Variants in MBOAT2 observed in about 807,000 individuals in gnomAD.
MBOAT2 encodes the protein membrane bound glycerophospholipid O-acyltransferase 2.
A neutral mutation model predicts 63.4 loss-of-function variants in MBOAT2; 28 were observed. The ratio of observed to expected loss-of-function variants is 0.44; its 90% CI spans 0.33 to 0.61. The LOEUF (loss-of-function observed/expected upper bound fraction) is 0.61. MBOAT2 is among the 20% of genes least tolerant of loss of function. The pLI, the probability that MBOAT2 is intolerant of heterozygous loss-of-function variation, is 0.03. For missense variants in MBOAT2, 470 were observed against 605.8 expected (o/e 0.78, Z 2.35); for synonymous variants, 211 against 215.6 (o/e 0.98, Z 0.19).
chr2:8,911,608 G>T (rs1226878398), intron 3 of MBOAT2, among the ~76,000 whole-genome samples: 1 of 152,140 alleles, frequency 6.6e-6, no homozygotes, highest in Non-Finnish European at 1.5e-5. Context: ...TTCCCTGGGG[G>T]ATGAGAAGGT....
chr2:8,886,111 C>A (rs540805597), intron 5 of MBOAT2, among the ~76,000 whole-genome samples: 1 of 152,168 alleles, frequency 6.6e-6, no homozygotes, highest in Non-Finnish European at 1.5e-5. Flanking sequence ...CGCTAGGCAG[C>A]GGGGGCCTAT....
chr2:8,877,745 G>A (rs546588371), intron 6 of MBOAT2, among the ~76,000 whole-genome samples: 2 of 152,340 alleles, frequency 1.3e-5, no homozygotes, highest in African/African-American at 4.8e-5. Context: ...CTGGTAAGGT[G>A]ACAGTTGAGC....
At chr2:8,938,406 A>G (rs1431489438) in intron 3 of MBOAT2, among the ~76,000 whole-genome samples, 1 of 151,604 alleles carries the variant, frequency 6.6e-6, no homozygotes, top group Non-Finnish European at 1.5e-5. Context: ...ACACACTCAC[A>G]CCTCACCACC....
rs553678563 is a variant in MBOAT2 at position 8,866,229 on chromosome 2, G to A, written c.988-1995C>T. Among the ~76,000 whole-genome samples, 9 of 151,986 alleles carry A rather than the reference G, an allele frequency of 5.9e-5. No individual in the cohort carries two copies. In the South Asian group the frequency reaches 6.3e-4, roughly 11 times the overall value. On this transcript the variant is annotated intron_variant, in intron 9 of 12. Coordinates refer to ENST00000305997, the MANE Select transcript of MBOAT2 (RefSeq NM_138799.4). The stretch of plus-strand genomic sequence containing the variant: ...TATCGCCCCCAGGAGATGAAAATTC[G>A]TTCTTAAGGGGCAAAAATATCTTTT...
Position 8,902,088 on chromosome 2 carries a change from A to G in MBOAT2, c.395+6533T>C, listed in dbSNP as rs553042736. ...AACCCTCAGCTCAGCCCAGAGGTAC[A>G]GGAAAAGTGGAAGCTGGTTCCAGGC... On this transcript the variant is annotated intron_variant, in intron 4 of 12. Transcript: ENST00000305997. Among the ~76,000 whole-genome samples the G allele has an allele frequency of 3.9e-5, 6 of 152,298 alleles. 1 individual carries two copies. Among genetic ancestry groups the G allele is most frequent in the Admixed American group, 2.6e-4 (4 of 15,296 alleles).
chr2:8,994,829 T>C (rs984151394), intron 1 of MBOAT2, among the ~76,000 whole-genome samples: 1 of 152,174 alleles, frequency 6.6e-6, no homozygotes, highest in African/African-American at 2.4e-5. Context: ...AATACGGATC[T>C]GCCAAGCCAA....
intron 9 of MBOAT2, 141 bp from the exon 10 acceptor site, chr2:8,864,375 G>C (rs987727272): frequency 8.9e-6 from 4 of 449,118 alleles, no homozygotes; most frequent in Non-Finnish European, 1.6e-5. Context: ...CCTTAATCTT[G>C]TTTTTCTAAT....
In MBOAT2 at chr2:8,961,081, G is replaced by A. The variant is rs367737756; in HGVS notation, c.76-2439C>T. Among the ~76,000 whole-genome samples the A allele has an allele frequency of 1.9e-4, 29 of 152,290 alleles. 1 individual carries two copies. Among genetic ancestry groups the A allele is most frequent in the Admixed American group, 1.8e-3 (27 of 15,288 alleles). On this transcript the variant is annotated intron_variant, in intron 1 of 12. Coordinates refer to ENST00000305997, the MANE Select transcript of MBOAT2 (RefSeq NM_138799.4). ...AAGATTTTTAAAACAAGGAAGTGAT[G>A]AGATTGACCCTCCACCTCTACATAT...
chr2:8,881,049 G>C (rs1249311515), intron 6 of MBOAT2, among the ~76,000 whole-genome samples: 1 of 152,174 alleles, frequency 6.6e-6, no homozygotes, highest in Admixed American at 6.5e-5. Context: ...AGGTGGTGGG[G>C]ATGGCCCAAC....
intron 8 of MBOAT2, among the ~76,000 whole-genome samples, chr2:8,869,142 G>A (rs1018390035): frequency 1.3e-5 from 2 of 151,998 alleles, no homozygotes; most frequent in Non-Finnish European, 2.9e-5. Flanking sequence ...GAACTCTTGG[G>A]CTCAAGCAAT....
chr2:8,878,553 C>T (rs1270670646), intron 6 of MBOAT2, among the ~76,000 whole-genome samples: 2 of 152,158 alleles, frequency 1.3e-5, no homozygotes, highest in Non-Finnish European at 2.9e-5. Context: ...TGTTATGTTG[C>T]CCAGGCTGGA....
chr2:8,874,922 G>A (rs1662595441), intron 7 of MBOAT2, among the ~76,000 whole-genome samples: 1 of 152,234 alleles, frequency 6.6e-6, no homozygotes, highest in Non-Finnish European at 1.5e-5. Context: ...AATATGTACA[G>A]GGAAGATGGA....
chr2:8,901,960 C>T (rs1217422153), intron 4 of MBOAT2, among the ~76,000 whole-genome samples: 3 of 151,530 alleles, frequency 2.0e-5, no homozygotes, highest in East Asian at 1.9e-4. Flanking sequence ...GATAGATGGG[C>T]GAGTCTCGCT....
At chr2:8,930,487 C>T (rs1174268381) in intron 3 of MBOAT2, among the ~76,000 whole-genome samples, 2 of 152,044 alleles carry the variant, frequency 1.3e-5, no homozygotes, top group East Asian at 3.9e-4. Flanking sequence ...CATTGTTGGA[C>T]ATTTGGGTTG....
intron 4 of MBOAT2, among the ~76,000 whole-genome samples, chr2:8,905,456 C>T (rs1395039676): frequency 1.3e-5 from 2 of 152,170 alleles, no homozygotes; most frequent in Non-Finnish European, 2.9e-5. Context: ...CAAAAGTTTT[C>T]TCCTATACTA....
intron 3 of MBOAT2, among the ~76,000 whole-genome samples, chr2:8,937,196 A>G (rs1228424536): frequency 6.6e-6 from 1 of 152,206 alleles, no homozygotes. Context: ...AGTGGCTTTC[A>G]TGAGACCCCC....
intron 9 of MBOAT2, among the ~76,000 whole-genome samples, chr2:8,865,246 G>T (rs147583023): frequency 6.6e-6 from 1 of 151,906 alleles, no homozygotes. Context: ...CAGCAATTTC[G>T]CATGATTCAA....
intron 2 of MBOAT2, among the ~76,000 whole-genome samples, chr2:8,955,595 G>A (rs893139936): frequency 3.3e-5 from 5 of 152,176 alleles, no homozygotes; most frequent in African/African-American, 1.2e-4. Context: ...GAGGAACACT[G>A]AAAGTCTCTA....
intron 9 of MBOAT2, among the ~76,000 whole-genome samples, chr2:8,867,241 T>C (rs1661966094): frequency 6.6e-6 from 1 of 152,108 alleles, no homozygotes; most frequent in Admixed American, 6.5e-5. Flanking sequence ...GGTCTCAAAC[T>C]CCTGAACTCA....
Sources: gnomAD v4.1 joint callset for allele counts (sites outside exome capture counted in the v4.1 genomes callset) on GRCh38, gnomAD v4.1.1 for gene constraint, MANE v1.5 for transcripts, NCBI Gene and HGNC (gene_info 2026-07-23, HGNC 2026-07-21) for gene names.